GLRA2: variants seen among roughly 807,000 people sequenced by gnomAD.
GLRA2 encodes the protein glycine receptor alpha 2.
In GLRA2, 11 loss-of-function variants were observed where a neutral mutation model predicts 31.6. The ratio of observed to expected loss-of-function variants is 0.35; its 90% confidence interval spans 0.22 to 0.58. The LOEUF is 0.58. Among genes scored for constraint, GLRA2 ranks in the 20% least tolerant of loss-of-function variants. The pLI is 0.84. For missense variants in GLRA2, 212 were observed against 351.8 expected, an observed-to-expected ratio of 0.60 and a Z score of 3.18; for synonymous variants, 132 against 134.0, an observed-to-expected ratio of 0.99 and a Z score of 0.10.
At chrX:14,724,519 G>A (rs942711854) in intron 8 of GLRA2, among the ~76,000 whole-genome samples, 7 of 106,472 alleles carry the variant, frequency 6.6e-5, no homozygotes, top group Admixed American at 2.1e-4. Context: ...CCAGCTACTC[G>A]GGAGGCTGAA....
At chrX:14,691,271 CTGTGTGTG>C (rs4014173) in intron 8 of GLRA2, among the ~76,000 whole-genome samples, 11,435 of 84,930 alleles carry the variant, frequency 0.13, 660 homozygotes, top group East Asian at 0.15. Flanking sequence ...TAAATATTGA[CTGTGTGTG>C]TGTGTGTGTG....
chrX:14,456,052 A>G, the GLRA2 span, among the ~76,000 whole-genome samples: 19 of 111,499 alleles, frequency 1.7e-4, no homozygotes, highest in African/African-American at 6.2e-4. Flanking sequence ...AATACACATG[A>G]TTTTTATTTC....
chrX:14,545,807 A>G (rs1260203647), intron 2 of GLRA2, among the ~76,000 whole-genome samples: 1 of 111,439 alleles, frequency 9.0e-6, no homozygotes, highest in Non-Finnish European at 1.9e-5. Context: ...CTGAATTATT[A>G]GTTATAGATG....
intron 4 of GLRA2, among the ~76,000 whole-genome samples, chrX:14,583,001 C>T (rs979005996): frequency 1.8e-5 from 2 of 111,575 alleles, no homozygotes; most frequent in African/African-American, 6.5e-5. Flanking sequence ...GTGCCTGACA[C>T]AGAGTAAATG....
chrX:14,667,985 T>G (rs183107923), intron 7 of GLRA2, among the ~76,000 whole-genome samples: 13 of 112,235 alleles, frequency 1.2e-4, no homozygotes, highest in African/African-American at 4.2e-4. Context: ...GAACCTCTCT[T>G]TCAGAGTCTC....
chrX:14,530,411 T>C (rs752293198), intron 1 of GLRA2, among the ~76,000 whole-genome samples: 119 of 111,809 alleles, frequency 1.1e-3, no homozygotes, highest in African/African-American at 3.5e-3. Context: ...TACATTTCTA[T>C]ATAAGGGTAA....
rs762019996 is a variant in GLRA2, at chrX:14,574,323, C to T, written c.203-10C>T. 10 of 1,153,494 alleles carry T rather than the reference C, an allele frequency of 8.7e-6. No individual in the cohort carries two copies. The African/African-American group carries it at 1.2e-4, about 14-fold the overall frequency. On this transcript the variant is annotated splice_polypyrimidine_tract_variant and intron_variant, in intron 2 of 8. Transcript: ENST00000218075. ...AATGTCTATTGCAATATTCTCATTG[C>T]ATTCTGCAGGTCCTCCAGTAAACGT...
chrX:14,453,228 T>G, the GLRA2 span, among the ~76,000 whole-genome samples: 1 of 111,827 alleles, frequency 8.9e-6, no homozygotes, highest in South Asian at 3.8e-4. Flanking sequence ...CATGATAAAT[T>G]ATAATGATTC....
chrX:14,574,319 A>G lies in GLRA2; in HGVS notation c.203-14A>G, dbSNP rs766843285. ...CTTCAATGTCTATTGCAATATTCTC[A>G]TTGCATTCTGCAGGTCCTCCAGTAA... On this transcript the variant is annotated splice_polypyrimidine_tract_variant and intron_variant, in intron 2 of 8. Transcript: ENST00000218075. The G allele has an allele frequency of 2.6e-6, 3 of 1,142,602 alleles. No individual in the cohort carries two copies. The highest frequency in any genetic ancestry group is 3.6e-5 in the South Asian group (2 of 55,268). The allele number at this position is 1,142,602 out of a possible 1,213,427, so 94.2% of individuals were successfully genotyped here.
the GLRA2 span, among the ~76,000 whole-genome samples, chrX:14,483,732 T>A: frequency 1.8e-5 from 2 of 112,123 alleles, no homozygotes; most frequent in Admixed American, 1.9e-4. Flanking sequence ...ATACTGAGTG[T>A]CAACTTGATT....
At chrX:14,571,205 A>G (rs1448480822) in intron 2 of GLRA2, among the ~76,000 whole-genome samples, 2 of 112,132 alleles carry the variant, frequency 1.8e-5, no homozygotes, top group Non-Finnish European at 3.8e-5. Context: ...CACTTTGCTG[A>G]TAAATCAATT....
chrX:14,643,778 G>C (rs1390289134), intron 7 of GLRA2, among the ~76,000 whole-genome samples: 1 of 111,824 alleles, frequency 8.9e-6, no homozygotes, highest in Non-Finnish European at 1.9e-5. Context: ...CAATGCAATG[G>C]GAACATGTTG....
the GLRA2 span, among the ~76,000 whole-genome samples, chrX:14,517,443 C>T: frequency 3.6e-5 from 4 of 111,914 alleles, no homozygotes; most frequent in Non-Finnish European, 7.5e-5. Flanking sequence ...AGGAAACTTA[C>T]AATCATGGCA....
At chrX:14,613,052 CCTCT>C (rs777261939) in intron 7 of GLRA2, among the ~76,000 whole-genome samples, 45 of 111,467 alleles carry the variant, frequency 4.0e-4, no homozygotes, top group East Asian at 1.1e-3. Context: ...CTTCACTCAA[CCTCT>C]CTAAGTTTGT....
chrX:14,709,827 A>G, intron 8 of GLRA2, among the ~76,000 whole-genome samples: 1 of 112,179 alleles, frequency 8.9e-6, no homozygotes, highest in Non-Finnish European at 1.9e-5. Flanking sequence ...GATGGTTTAC[A>G]GTGTTCACCT....
chrX:14,572,807 G>A (rs2089900993), intron 2 of GLRA2, among the ~76,000 whole-genome samples: 1 of 111,972 alleles, frequency 8.9e-6, no homozygotes, highest in Non-Finnish European at 1.9e-5. Context: ...GCTACAAGGG[G>A]CCCTCTCAAA....
intron 7 of GLRA2, among the ~76,000 whole-genome samples, chrX:14,680,692 T>C (rs1361963386): frequency 8.9e-6 from 1 of 112,242 alleles, no homozygotes; most frequent in East Asian, 2.8e-4. Flanking sequence ...ATGTGAATAA[T>C]GCATTTAATG....
chrX:14,598,039 C>T (rs781377169), intron 4 of GLRA2, among the ~76,000 whole-genome samples: 2 of 111,252 alleles, frequency 1.8e-5, no homozygotes, highest in South Asian at 7.8e-4. Context: ...TAAAGGAGCA[C>T]CATAGGTTCC....
At chrX:14,580,419 C>T (rs1339429174) in intron 3 of GLRA2, among the ~76,000 whole-genome samples, 1 of 111,546 alleles carries the variant, frequency 9.0e-6, no homozygotes, top group East Asian at 2.8e-4. Context: ...AACCTAAGGT[C>T]TTTGAGTAGA....
Sources: gnomAD v4.1 joint callset for allele counts (sites outside exome capture counted in the v4.1 genomes callset) on GRCh38, gnomAD v4.1.1 for gene constraint, MANE v1.5 for transcripts, NCBI Gene and HGNC (gene_info 2026-07-23, HGNC 2026-07-21) for gene names.